The following CLVS1 variants were observed in gnomAD, a reference collection of about 807,000 sequenced individuals.
CLVS1 encodes the protein clavesin-1.
CLVS1 carries 10 observed loss-of-function variants against 33.1 expected under a neutral mutation model. That is an observed-to-expected ratio of 0.30 (90% CI 0.19 to 0.51). CLVS1 has a LOEUF of 0.51. CLVS1 is among the 20% of genes least tolerant of loss of function. The pLI is 0.97. For missense variants in CLVS1, 343 were observed against 433.4 expected, an observed-to-expected ratio of 0.79 and a Z score of 1.85; for synonymous variants, 163 against 166.1, an observed-to-expected ratio of 0.98 and a Z score of 0.14.
At chr8:61,484,774 C>T (rs1803808846) in intron 5 of CLVS1, among the ~76,000 whole-genome samples, 1 of 152,148 alleles carries the variant, frequency 6.6e-6, no homozygotes. Context: ...GAACAGAGCC[C>T]TTGGAAATAA....
chr8:61,482,113 C>T (rs992657921), intron 5 of CLVS1, among the ~76,000 whole-genome samples: 3 of 152,210 alleles, frequency 2.0e-5, no homozygotes, highest in Non-Finnish European at 4.4e-5. Context: ...CCAGCAAACT[C>T]CAACAGATCT....
chr8:61,110,356 T>C (rs1805604933), intron 1 of CLVS1, among the ~76,000 whole-genome samples: 1 of 152,108 alleles, frequency 6.6e-6, no homozygotes, highest in Admixed American at 6.6e-5. Context: ...TTCCCTCTCT[T>C]CCTTTTTGAG....
intron 2 of CLVS1, among the ~76,000 whole-genome samples, chr8:61,197,913 CAG>C (rs1807650043): frequency 2.6e-5 from 4 of 152,238 alleles, no homozygotes; most frequent in African/African-American, 9.6e-5. Flanking sequence ...CCAAAGTGCA[CAG>C]ACTCTTCCTG....
intron 1 of CLVS1, among the ~76,000 whole-genome samples, chr8:61,085,798 C>T (rs1167734238): frequency 1.3e-5 from 2 of 150,272 alleles, no homozygotes; most frequent in Non-Finnish European, 3.0e-5. Flanking sequence ...CCGAGGCGGG[C>T]GGATCACGAG....
upstream of CLVS1, among the ~76,000 whole-genome samples, chr8:61,286,228 T>C (rs1315867554): frequency 6.6e-6 from 1 of 152,172 alleles, no homozygotes; most frequent in Non-Finnish European, 1.5e-5. Flanking sequence ...GGAATTGTCA[T>C]AGCCCATGGC....
rs1289119574 is a variant in CLVS1 at position 61,105,864 on chromosome 8, A to G, written c.-242-25906A>G. On this transcript the variant is annotated intron_variant, in intron 1 of 2. Transcript: ENST00000522621. The stretch of plus-strand genomic sequence containing the variant: ...AACTTGTCATGGACTGCAACCCGTC[A>G]CAGCCCAAATTGGACCCGTTGAACA... Among the ~76,000 whole-genome samples, 3 of 152,006 alleles carry G rather than the reference A, an allele frequency of 2.0e-5. No individual in the cohort carries two copies. In the East Asian group the frequency reaches 5.8e-4, roughly 29 times the overall value.
At chr8:61,021,764 G>T in the CLVS1 span, among the ~76,000 whole-genome samples, 4 of 152,278 alleles carry the variant, frequency 2.6e-5, no homozygotes, top group African/African-American at 9.6e-5. Flanking sequence ...TACATGTATA[G>T]GTTTGTTACA....
intron 3 of CLVS1, among the ~76,000 whole-genome samples, chr8:61,387,467 T>C (rs1585898248): frequency 8.7e-5 from 2 of 23,026 alleles, no homozygotes; most frequent in African/African-American, 7.4e-5. Context: ...GTACAGTTCC[T>C]TTTTTTTTTT....
intron 3 of CLVS1, among the ~76,000 whole-genome samples, chr8:61,429,280 C>T (rs1322263208): frequency 6.6e-6 from 1 of 151,794 alleles, no homozygotes; most frequent in Non-Finnish European, 1.5e-5. Context: ...ATTAGCTGGG[C>T]GTGGTTGCTC....
At chr8:61,249,485 G>A (rs1361981933) in intron 2 of CLVS1, among the ~76,000 whole-genome samples, 1 of 152,148 alleles carries the variant, frequency 6.6e-6, no homozygotes, top group East Asian at 1.9e-4. Flanking sequence ...GGATCCTTGA[G>A]GAATCACCAC....
chr8:61,028,770 G>A, the CLVS1 span, among the ~76,000 whole-genome samples: 2 of 152,158 alleles, frequency 1.3e-5, no homozygotes, highest in African/African-American at 4.8e-5. Context: ...AGGACTCGGT[G>A]AACAAAGAAC....
chr8:61,431,984 G>A (rs904839860), intron 3 of CLVS1, among the ~76,000 whole-genome samples: 2 of 152,202 alleles, frequency 1.3e-5, no homozygotes, highest in South Asian at 2.1e-4. Context: ...GTCACATGCT[G>A]TCTATCTTCA....
At chr8:61,269,369 C>G (rs1006385325) in intron 2 of CLVS1, among the ~76,000 whole-genome samples, 28 of 152,106 alleles carry the variant, frequency 1.8e-4, no homozygotes, top group African/African-American at 2.7e-4. Flanking sequence ...CTGTTCCATT[C>G]GTCTATATCT....
At chr8:61,488,495 T>A (rs992994821) in intron 5 of CLVS1, among the ~76,000 whole-genome samples, 44 of 152,350 alleles carry the variant, frequency 2.9e-4, no homozygotes, top group African/African-American at 1.0e-3. Flanking sequence ...GTATTTTCCT[T>A]GATTTTCTTC....
At chr8:61,145,400 T>C (rs763804605) in intron 2 of CLVS1, among the ~76,000 whole-genome samples, 1 of 152,020 alleles carries the variant, frequency 6.6e-6, no homozygotes, top group Non-Finnish European at 1.5e-5. Context: ...GGGGTTGGAG[T>C]GTGATTGGTT....
chr8:60,999,031 T>A, the CLVS1 span, among the ~76,000 whole-genome samples: 2 of 152,034 alleles, frequency 1.3e-5, no homozygotes, highest in African/African-American at 4.8e-5. Flanking sequence ...TGAGGGCCAG[T>A]GTCTTGGGGT....
At chr8:61,157,422 T>G (rs1806671620) in intron 2 of CLVS1, among the ~76,000 whole-genome samples, 1 of 152,136 alleles carries the variant, frequency 6.6e-6, no homozygotes. Flanking sequence ...ATAAAAAAGC[T>G]AAAACGATAA....
intron 1 of CLVS1, among the ~76,000 whole-genome samples, chr8:61,099,766 C>T (rs12544676): frequency 0.22 from 32,779 of 152,122 alleles, 4,079 homozygotes; most frequent in East Asian, 0.61. Flanking sequence ...CAAGTATTTA[C>T]TGAACTTCTA....
At chr8:61,464,020 T>G (rs1215482160) in intron 5 of CLVS1, among the ~76,000 whole-genome samples, 2 of 143,722 alleles carry the variant, frequency 1.4e-5, no homozygotes, top group Non-Finnish European at 3.0e-5. Context: ...GTTGTAGCAA[T>G]GAGTCAAGAT....
Sources: gnomAD v4.1 joint callset for allele counts (sites outside exome capture counted in the v4.1 genomes callset) on GRCh38, gnomAD v4.1.1 for gene constraint, MANE v1.5 for transcripts, NCBI Gene and HGNC (gene_info 2026-07-23, HGNC 2026-07-21) for gene names.